Variants in TMC1 observed in about 807,000 individuals in gnomAD.
TMC1 encodes transmembrane channel like 1, also known as transmembrane channel-like protein 1.
A neutral mutation model predicts 105.8 loss-of-function variants in TMC1; 84 were observed. The observed-to-expected ratio is 0.79, with a 90% CI of 0.67 to 0.95. The LOEUF is 0.95. Among genes scored for constraint, TMC1 ranks in the 40% least tolerant of loss-of-function variants. The pLI is 0.00. For synonymous variants in TMC1, 315 were observed against 311.5 expected, an observed-to-expected ratio of 1.01 and a Z score of -0.12; for missense variants, 817 against 914.1, an observed-to-expected ratio of 0.89 and a Z score of 1.37.
At chr9:72,642,487 A>G (rs1285365862) in intron 4 of TMC1, among the ~76,000 whole-genome samples, 1 of 152,252 alleles carries the variant, frequency 6.6e-6, no homozygotes, top group East Asian at 1.9e-4. Context: ...TAGTAAAGCT[A>G]TCAGGTAGGG....
At chr9:72,789,082 A>G (rs749836916) in intron 14 of TMC1, 41 bp from the exon 15 acceptor site, 8 of 1,588,244 alleles carry the variant, frequency 5.0e-6, no homozygotes, top group South Asian at 2.2e-5. Flanking sequence ...AAGATATTCT[A>G]TTTTGGGTTT....
chr9:72,816,243 A>G (rs771554763), intron 19 of TMC1, 33 bp downstream of exon 19: 1 of 1,598,266 alleles, frequency 6.3e-7, no homozygotes, highest in East Asian at 2.2e-5. Flanking sequence ...TATCACTTAC[A>G]GAAAAGCCTC....
At chr9:72,830,161 A>G (rs1013773560) in intron 21 of TMC1, among the ~76,000 whole-genome samples, 6 of 152,228 alleles carry the variant, frequency 3.9e-5, no homozygotes, top group African/African-American at 1.4e-4. Context: ...ATTTCCAGGA[A>G]AAAGCTAATA....
intron 5 of TMC1, among the ~76,000 whole-genome samples, chr9:72,664,408 T>A (rs892013085): frequency 1.3e-5 from 2 of 152,170 alleles, no homozygotes; most frequent in African/African-American, 4.8e-5. Context: ...CTCCCAAGCC[T>A]GGAAACCTGC....
intron 2 of TMC1, among the ~76,000 whole-genome samples, chr9:72,594,010 T>A (rs1311941914): frequency 1.3e-5 from 2 of 152,356 alleles, no homozygotes; most frequent in African/African-American, 4.8e-5. Flanking sequence ...CTCATCATTC[T>A]GCTGTTGTCT....
At chr9:72,557,137 G>A (rs530612504) in intron 1 of TMC1, among the ~76,000 whole-genome samples, 37 of 152,330 alleles carry the variant, frequency 2.4e-4, no homozygotes, top group Non-Finnish European at 2.6e-4. Flanking sequence ...TTGGGAGGCT[G>A]AGGCGAGTGG....
chr9:72,583,891 A>G (rs369974216), intron 2 of TMC1, among the ~76,000 whole-genome samples: 6 of 152,242 alleles, frequency 3.9e-5, no homozygotes, highest in East Asian at 1.9e-4. Flanking sequence ...GAATAAGTCA[A>G]TTGTTTGAAA....
intron 5 of TMC1, among the ~76,000 whole-genome samples, chr9:72,660,189 A>G (rs1184637762): frequency 6.6e-6 from 1 of 152,170 alleles, no homozygotes; most frequent in African/African-American, 2.4e-5. Flanking sequence ...TGAACAATTA[A>G]ACAGACTTCT....
At chr9:72,780,041 C>T (rs1828068153) in intron 13 of TMC1, among the ~76,000 whole-genome samples, 1 of 151,980 alleles carries the variant, frequency 6.6e-6, no homozygotes, top group Non-Finnish European at 1.5e-5. Context: ...TAAAAAGAAC[C>T]CATCACACTA....
chr9:72,715,017 C>G (rs1345746050), intron 8 of TMC1, among the ~76,000 whole-genome samples: 1 of 152,272 alleles, frequency 6.6e-6, no homozygotes, highest in South Asian at 2.1e-4. Context: ...TTCTCCTTCA[C>G]TTATGAAGCT....
At chr9:72,561,051 T>C (rs909610085) in intron 1 of TMC1, among the ~76,000 whole-genome samples, 2 of 151,480 alleles carry the variant, frequency 1.3e-5, no homozygotes, top group African/African-American at 4.8e-5. Flanking sequence ...CGGTGGCCCA[T>C]GCCTGTAATC....
At chr9:72,531,319 T>G (rs1823495274) in intron 1 of TMC1, among the ~76,000 whole-genome samples, 2 of 152,242 alleles carry the variant, frequency 1.3e-5, no homozygotes, top group South Asian at 2.1e-4. Flanking sequence ...CCTGGTTACT[T>G]TTGATTGTGT....
chr9:72,790,093 C>G (rs747299147), intron 15 of TMC1, among the ~76,000 whole-genome samples: 2 of 152,108 alleles, frequency 1.3e-5, no homozygotes, highest in Non-Finnish European at 2.9e-5. Flanking sequence ...AGAGTCTGTT[C>G]CCGTTCATAA....
intron 5 of TMC1, among the ~76,000 whole-genome samples, chr9:72,650,336 AC>A (rs1825781165): frequency 6.6e-6 from 1 of 152,182 alleles, no homozygotes. Flanking sequence ...GCATAATGTC[AC>A]AGAATCATAA....
intron 12 of TMC1, among the ~76,000 whole-genome samples, chr9:72,758,926 T>G (rs1485127356): frequency 6.6e-6 from 1 of 152,168 alleles, no homozygotes; most frequent in Non-Finnish European, 1.5e-5. Flanking sequence ...TTTATAGTGA[T>G]TTATACTACT....
chr9:72,715,143 T>C (rs1434301996), intron 8 of TMC1, among the ~76,000 whole-genome samples: 2 of 152,326 alleles, frequency 1.3e-5, no homozygotes, highest in South Asian at 2.1e-4. Context: ...GTTAGTCTGA[T>C]GGGCTTCCCT....
At chr9:72,735,260 G>C (rs1367226703) in intron 8 of TMC1, among the ~76,000 whole-genome samples, 3 of 152,110 alleles carry the variant, frequency 2.0e-5, no homozygotes, top group Non-Finnish European at 4.4e-5. Context: ...AATTCAAGGG[G>C]GTGGTACACA....
At chr9:72,791,436 C>A (rs1224171282) in intron 15 of TMC1, among the ~76,000 whole-genome samples, 1 of 152,196 alleles carries the variant, frequency 6.6e-6, no homozygotes, top group Non-Finnish European at 1.5e-5. Context: ...TCAGGGAATT[C>A]ATCCATTCTA....
Position 72,661,412 on chromosome 9 carries a change from A to G in TMC1, c.16+12748A>G, listed in dbSNP as rs891315916. Among the ~76,000 whole-genome samples the G allele has an allele frequency of 9.2e-5, 14 of 152,344 alleles. No homozygotes were observed. In the South Asian group the frequency reaches 2.5e-3, roughly 27 times the overall value. ...ATCTAAACTGTTTGCCTGCATGCCC[A>G]GCACTTTTTCCACCCTCTACATTTT... On this transcript the variant is annotated intron_variant, in intron 5 of 23. Transcript: ENST00000297784.
Sources: gnomAD v4.1 joint callset for allele counts (sites outside exome capture counted in the v4.1 genomes callset) on GRCh38, gnomAD v4.1.1 for gene constraint, MANE v1.5 for transcripts, NCBI Gene and HGNC (gene_info 2026-07-23, HGNC 2026-07-21) for gene names.